Variants in CUX1 observed in about 807,000 individuals in gnomAD.
CUX1 encodes cut like homeobox 1.
In CUX1, 31 loss-of-function variants were observed where a neutral mutation model predicts 158.8. The observed-to-expected ratio is 0.20, with a 90% CI of 0.15 to 0.26. The LOEUF (loss-of-function observed/expected upper bound fraction) is 0.26, where lower values mean the gene tolerates loss of function less well. CUX1 is among the 10% of genes least tolerant of loss of function. CUX1 has a pLI of 1.00. For missense variants in CUX1, 1,589 were observed against 2,014.6 expected (o/e 0.79, Z 4.04); for synonymous variants, 879 against 862.1 (o/e 1.02, Z -0.34).
rs1041339903 is a variant in CUX1, at chr7:101,817,804, T to G, written c.30+135T>G. 6.7e-6 allele frequency: 7 copies of G among 1,041,784 alleles called. No homozygotes were observed. The highest frequency in any genetic ancestry group is 2.7e-6 in the Non-Finnish European group (2 of 743,802). 64.5% of individuals were successfully genotyped at this position (1,041,784 alleles called of 1,614,324 possible). On this transcript the variant is annotated intron_variant, in intron 1 of 23. Transcript: ENST00000292535. The surrounding 1 kb of genome is among the most constrained non-coding windows in gnomAD (Gnocchi z 4.1). ...CTCTGGGAGGGGATAGGAGGGTTCC[T>G]CAGGGCCCCTGGGGAACTGCAGCTA... is the stretch of plus-strand genomic sequence containing the variant.
downstream of CUX1, chr7:102,258,252 T>A (rs1394760707): frequency 2.7e-5 from 25 of 916,890 alleles, no homozygotes; most frequent in Non-Finnish European, 3.1e-5. Context: ...GGGTTGTTTT[T>A]ATTTAAAGTG....
intron 2 of CUX1, among the ~76,000 whole-genome samples, chr7:101,988,778 A>T (rs1238053307): frequency 6.6e-6 from 1 of 152,024 alleles, no homozygotes; most frequent in African/African-American, 2.4e-5. Flanking sequence ...AGACAGGAGG[A>T]TTGCTTGAGG....
At chr7:102,268,138 CCT>C (rs1484766679) in intron 14 of CUX1, among the ~76,000 whole-genome samples, 1 of 152,140 alleles carries the variant, frequency 6.6e-6, no homozygotes, top group Non-Finnish European at 1.5e-5. Context: ...AGCCCCTTTC[CCT>C]GTCTTATGCT....
intron 11 of CUX1, among the ~76,000 whole-genome samples, chr7:102,187,547 A>G (rs541374546): frequency 1.5e-4 from 23 of 152,244 alleles, no homozygotes; most frequent in African/African-American, 5.5e-4. Flanking sequence ...GGTCTGTGCC[A>G]TGCCAGGCTC....
Position 102,170,527 on chromosome 7 carries a change from C to A in CUX1, c.805C>A (p.Gln269Lys). ...CAATCACTCCCTCCAGCTGGCCTCACAGATCCAGAAGGCACCAGACGTGGT... is the reference window on the plus strand; with the variant it reads ...CAATCACTCCCTCCAGCTGGCCTCAAAGATCCAGAAGGCACCAGACGTGGT... ...SANHSLQLAS[Q>K]IQKAPDVEQA... The change falls in exon 10 of 24, where the codon CAG becomes AAG. Residue 269 changes from glutamine (Q) to lysine (K), a missense_variant. Around this residue, in one of 8 missense-constraint regions of CUX1, gnomAD observed 515 missense variants for 574.4 expected, o/e 0.90. Coordinates refer to ENST00000292535, the MANE Select transcript of CUX1 (RefSeq NM_181552.4). 6.3e-7 allele frequency: 1 copy of A among 1,585,408 alleles called. No homozygotes were observed. Among genetic ancestry groups the A allele is most frequent in the Admixed American group, 1.8e-5 (1 of 56,956 alleles).
downstream of CUX1, among the ~76,000 whole-genome samples, chr7:102,259,768 AGAAAGGAAGGAAG>A (rs1586480700): frequency 4.7e-5 from 7 of 148,998 alleles, no homozygotes; most frequent in East Asian, 3.9e-4. Flanking sequence ...GAAAGAAAAG[AGAAAGGAAGGAAG>A]GAAAGGAAGG....
At chr7:102,219,250 T>C (rs190134638) in intron 20 of CUX1, among the ~76,000 whole-genome samples, 1 of 152,118 alleles carries the variant, frequency 6.6e-6, no homozygotes, top group Admixed American at 6.6e-5. Context: ...TTCCATTTTA[T>C]AGAAGAAACT....
rs1244830531 is a variant in CUX1, at chr7:101,916,087, C to G, written c.31-28C>G. On this transcript the variant is annotated intron_variant, in intron 1 of 23. Transcript: ENST00000292535. The surrounding 1 kb of genome is among the most constrained non-coding windows in gnomAD (Gnocchi z 4.4). ...CTAGTACACAGTGCAATTACAATCT[C>G]ACTTTTCCTTTCCTGTTTCCCCAAC... is the stretch of plus-strand genomic sequence containing the variant. The G allele has an allele frequency of 1.3e-6, 2 of 1,513,962 alleles. No homozygotes were observed. Among genetic ancestry groups the G allele is most frequent in the Admixed American group, 1.7e-5 (1 of 59,808 alleles). The allele number at this position is 1,513,962 out of a possible 1,614,324, so 93.8% of individuals were successfully genotyped here.
chr7:102,071,252 C>T lies in CUX1; in HGVS notation c.268+835C>T, dbSNP rs150323202. ...GTGAGGTTACATGCAGGAGCCACCA[C>T]GCCTGGCCCTGTTTCTTCTTTTAGA... is the stretch of plus-strand genomic sequence containing the variant. On this transcript the variant is annotated intron_variant, in intron 4 of 23. Coordinates refer to ENST00000292535, the MANE Select transcript of CUX1 (RefSeq NM_181552.4). Among the ~76,000 whole-genome samples the T allele has an allele frequency of 1.3e-3, 196 of 152,316 alleles. 1 individual carries two copies. Among genetic ancestry groups the T allele is most frequent in the African/African-American group, 4.2e-3 (174 of 41,570 alleles).
chr7:102,232,032 TAA>T (rs879994180), intron 21 of CUX1, among the ~76,000 whole-genome samples: 3 of 141,298 alleles, frequency 2.1e-5, no homozygotes, highest in African/African-American at 2.6e-5. Flanking sequence ...TTATAACAAC[TAA>T]AAAAAAAAAA....
chr7:101,843,064 C>T (rs1276868067), intron 1 of CUX1, among the ~76,000 whole-genome samples: 1 of 151,706 alleles, frequency 6.6e-6, no homozygotes, highest in African/African-American at 2.4e-5. Context: ...GACGGAGTTT[C>T]ACCGTGTTAG....
At chr7:102,087,984 A>C (rs73185899) in intron 4 of CUX1, among the ~76,000 whole-genome samples, 2,840 of 150,226 alleles carry the variant, frequency 0.019, 45 homozygotes, top group South Asian at 0.036. Flanking sequence ...CTGGGGAAAA[A>C]ATACCTTAAT....
In CUX1 at chr7:102,255,389, AAAAAAAAAAGAC is replaced by A; in HGVS notation, c.*6357_*6368del. 3.0e-6 allele frequency: 3 copies of A among 983,698 alleles called. No homozygotes were observed. Among genetic ancestry groups the A allele is most frequent in the Non-Finnish European group, 3.6e-6 (3 of 829,148 alleles). 60.9% of individuals were successfully genotyped at this position (983,698 alleles called of 1,614,324 possible). ...GGCATTGTAGGCGAAAAATCCCAAA[AAAAAAAAAAGAC>A]AAAAAAAAAAGGCTGGCGAGAGAAA... On this transcript the variant is annotated 3_prime_UTR_variant, in exon 24 of 24. Transcript: ENST00000292535.
intron 8 of CUX1, among the ~76,000 whole-genome samples, chr7:102,116,165 G>A (rs931704711): frequency 6.6e-6 from 1 of 152,124 alleles, no homozygotes; most frequent in Non-Finnish European, 1.5e-5. Flanking sequence ...TCTGTATGGG[G>A]TGCCGGCACT....
chr7:102,026,760 C>T (rs1464757912), intron 2 of CUX1, among the ~76,000 whole-genome samples: 3 of 139,904 alleles, frequency 2.1e-5, no homozygotes, highest in Non-Finnish European at 4.5e-5. Context: ...GTGTAGGTTG[C>T]AGTAAGCCGA....
chr7:102,114,705 C>G (rs1465812431), intron 7 of CUX1, among the ~76,000 whole-genome samples: 1 of 152,178 alleles, frequency 6.6e-6, no homozygotes, highest in African/African-American at 2.4e-5. Context: ...TAGCAAAACC[C>G]TGTCTCTACA....
chr7:101,939,055 ATACATATATATATATATAT>A (rs1807327719), intron 2 of CUX1, among the ~76,000 whole-genome samples: 28 of 77,464 alleles, frequency 3.6e-4, no homozygotes, highest in African/African-American at 5.4e-4. Flanking sequence ...AAAAAAAAAA[ATACATATATATATATATAT>A]ATATATATAT....
At chr7:101,989,812 G>A (rs1163116603) in intron 2 of CUX1, among the ~76,000 whole-genome samples, 3 of 152,170 alleles carry the variant, frequency 2.0e-5, no homozygotes, top group African/African-American at 4.8e-5. Context: ...ACATGCTAAG[G>A]TCAGCCCTGG....
At chr7:102,070,897 G>A (rs1826051134) in intron 4 of CUX1, among the ~76,000 whole-genome samples, 1 of 152,124 alleles carries the variant, frequency 6.6e-6, no homozygotes, top group African/African-American at 2.4e-5. Flanking sequence ...GAGGGTAACT[G>A]ATAATCCTTG....
Sources: allele counts gnomAD v4.1 joint callset (sites outside exome capture counted in the v4.1 genomes callset), GRCh38; gene constraint gnomAD v4.1.1; regional missense constraint gnomAD v4.1.1; non-coding constraint Gnocchi (gnomAD v3.1); transcripts MANE v1.5; gene names NCBI Gene and HGNC (gene_info 2026-07-23, HGNC 2026-07-21).